Variants in ZFP3 observed in about 807,000 individuals in gnomAD.
The protein encoded by ZFP3 is zinc finger protein 3 homolog.
ZFP3 carries 18 observed loss-of-function variants against 36.7 expected under a neutral mutation model. The ratio of observed to expected loss-of-function variants is 0.49; its 90% CI spans 0.34 to 0.73. The LOEUF (loss-of-function observed/expected upper bound fraction) is 0.73, where lower values mean the gene tolerates loss of function less well. ZFP3 is among the 30% of genes least tolerant of loss of function. The pLI is 0.01. For synonymous variants in ZFP3, 218 were observed against 199.0 expected, an observed-to-expected ratio of 1.10 and a Z score of -0.81; for missense variants, 495 against 599.0, an observed-to-expected ratio of 0.83 and a Z score of 1.81.
intron 1 of ZFP3, among the ~76,000 whole-genome samples, chr17:5,088,780 G>T (rs180869690): frequency 1.3e-5 from 2 of 152,250 alleles, no homozygotes; most frequent in South Asian, 2.1e-4. Flanking sequence ...GCCACTAAAC[G>T]ACCACGAGTG....
chr17:5,087,376 C>G (rs898733654), intron 1 of ZFP3, among the ~76,000 whole-genome samples: 3 of 152,152 alleles, frequency 2.0e-5, no homozygotes, highest in African/African-American at 7.2e-5. Context: ...CCGTTCCTAG[C>G]CTTCACTCGA....
In ZFP3 at chr17:5,095,559, A is replaced by T. The variant is rs376640615; in HGVS notation, c.*2546A>T. The T allele has an allele frequency of 1.2e-5, 2 of 166,992 alleles. No homozygotes were observed. The highest frequency in any genetic ancestry group is 4.8e-5 in the African/African-American group (2 of 41,502). The allele number at this position is 166,992 out of a possible 1,614,324, so 10.3% of individuals were successfully genotyped here. ...CAAGCTTCTCCTAAACAATCTATGC[A>T]CACAAACACCCCTGAGCAATATGGA... is the stretch of plus-strand genomic sequence containing the variant. On this transcript the variant is annotated 3_prime_UTR_variant, in exon 2 of 2. Transcript: ENST00000318833.
intron 1 of ZFP3, among the ~76,000 whole-genome samples, chr17:5,084,153 A>G (rs1412276816): frequency 6.6e-6 from 1 of 151,502 alleles, no homozygotes. Flanking sequence ...GGCATGAGCT[A>G]CTGTGCCTGG....
chr17:5,085,663 C>T (rs1459315459), intron 1 of ZFP3, among the ~76,000 whole-genome samples: 2 of 152,184 alleles, frequency 1.3e-5, no homozygotes, highest in African/African-American at 2.4e-5. Flanking sequence ...CCACCACACC[C>T]GGCCCTGAAT....
intron 1 of ZFP3, among the ~76,000 whole-genome samples, chr17:5,085,966 C>G (rs996533432): frequency 2.4e-4 from 36 of 152,166 alleles, no homozygotes; most frequent in African/African-American, 3.4e-4. Flanking sequence ...TAAGACAGTA[C>G]TTCCCAACTC....
chr17:5,088,236 G>A (rs551466118), intron 1 of ZFP3, among the ~76,000 whole-genome samples: 26 of 152,134 alleles, frequency 1.7e-4, no homozygotes, highest in African/African-American at 5.3e-4. Flanking sequence ...TGGCACCACC[G>A]TCCATCTAAT....
chr17:5,082,143 C>A lies in ZFP3; in HGVS notation c.-9+3568C>A, dbSNP rs190903958. Among the ~76,000 whole-genome samples, 1,219 of 151,272 alleles carry A rather than the reference C, an allele frequency of 8.1e-3. 11 individuals are homozygous for A. The highest frequency in any genetic ancestry group is 0.024 in the Middle Eastern group (7 of 292). The stretch of plus-strand genomic sequence containing the variant: ...CGGGTGGATCATGAGGTCAGGAGAT[C>A]GAGACCATCCTGGCTAACAGGGTGG... On this transcript the variant is annotated intron_variant, in intron 1 of 1. Transcript: ENST00000318833.
At chr17:5,090,410 G>A (rs1189527850) in intron 1 of ZFP3, among the ~76,000 whole-genome samples, 1 of 152,198 alleles carries the variant, frequency 6.6e-6, no homozygotes, top group African/African-American at 2.4e-5. Context: ...GAATTATTCA[G>A]TAAATGGTAT....
intron 1 of ZFP3, among the ~76,000 whole-genome samples, chr17:5,085,322 C>G (rs892180064): frequency 8.6e-5 from 13 of 151,542 alleles, no homozygotes; most frequent in African/African-American, 2.7e-4. Flanking sequence ...GCTGGGATTA[C>G]AGGCATGAGC....
rs887126838 is a variant in ZFP3 at position 5,078,500 on chromosome 17, T to A, written c.-84T>A. On this transcript the variant is annotated 5_prime_UTR_variant, in exon 1 of 2. Coordinates refer to ENST00000318833, the MANE Select transcript of ZFP3 (RefSeq NM_153018.3). The surrounding 1 kb of genome is among the most constrained non-coding windows in gnomAD (Gnocchi z 4.5). ...TCGCCAGTGACACCGGGACAACAGC[T>A]GCGGGCTCTGTGCGAGCGGCCCAGC... 2.0e-5 allele frequency: 3 copies of A among 152,276 alleles called. No individual in the cohort carries two copies. Among genetic ancestry groups the A allele is most frequent in the Non-Finnish European group, 4.4e-5 (3 of 68,086 alleles). 9.4% of individuals were successfully genotyped at this position (152,276 alleles called of 1,614,324 possible). A position where few individuals can be genotyped will look rare whatever the true frequency, so the allele number is the denominator to read the frequency against.
chr17:5,092,934 A>T lies in ZFP3; in HGVS notation c.1430A>T (p.Tyr477Phe). Residue 477 changes from tyrosine to phenylalanine, a missense_variant, in exon 2 of 2, where the codon TAT (tyrosine) becomes TTT (phenylalanine). Around this residue, in one of 3 missense-constraint regions of ZFP3, gnomAD observed 163 missense variants for 178.4 expected, o/e 0.91. Transcript: ENST00000318833. The surrounding 1 kb of genome is among the most constrained non-coding windows in gnomAD (Gnocchi z 5.0). ...HQRIHTGEKP[Y>F]ECQECQKTFS... The stretch of plus-strand genomic sequence containing the variant: ...AGAATTCACACTGGAGAGAAGCCTT[A>T]TGAGTGCCAAGAATGTCAGAAGACT... The T allele has an allele frequency of 6.2e-7, 1 of 1,614,012 alleles. No homozygotes were observed. The highest frequency in any genetic ancestry group is 1.7e-5 in the Admixed American group (1 of 59,970).
chr17:5,091,825 T>C lies in ZFP3; in HGVS notation c.321T>C (p.Asp107=), dbSNP rs368596620. The change falls in exon 2 of 2, where the codon GAT becomes GAC. Residue 107 remains aspartate, a synonymous_variant. Coordinates refer to ENST00000318833, the MANE Select transcript of ZFP3 (RefSeq NM_153018.3). ...PSPNLVTHQG[D]TTEGVSAFAT... Reference sequence around the variant, plus strand: ...CAAATCTGGTTACACATCAGGGAGATACAACAGAGGGAGTTAGTGCATTTG... The same window carrying C: ...CAAATCTGGTTACACATCAGGGAGACACAACAGAGGGAGTTAGTGCATTTG... 7 of 1,614,070 alleles carry C rather than the reference T, an allele frequency of 4.3e-6. No individual in the cohort carries two copies. The highest frequency in any genetic ancestry group is 1.7e-5 in the Admixed American group (1 of 60,010).
At chr17:5,080,725 C>T (rs2072088675) in intron 1 of ZFP3, among the ~76,000 whole-genome samples, 1 of 152,124 alleles carries the variant, frequency 6.6e-6, no homozygotes, top group Admixed American at 6.6e-5. Flanking sequence ...CCCCACTCCT[C>T]CCAGCCCCCC....
In ZFP3 at chr17:5,094,367, C is replaced by A. The variant is rs967854528; in HGVS notation, c.*1354C>A. 1 of 167,084 alleles carries A rather than the reference C, an allele frequency of 6.0e-6. No homozygotes were observed. The highest frequency in any genetic ancestry group is 1.5e-5 in the Non-Finnish European group (1 of 68,126). 10.4% of individuals were successfully genotyped at this position (167,084 alleles called of 1,614,324 possible). A position where few individuals can be genotyped will look rare whatever the true frequency, so the allele number is the denominator to read the frequency against. On this transcript the variant is annotated 3_prime_UTR_variant, in exon 2 of 2. Coordinates refer to ENST00000318833, the MANE Select transcript of ZFP3 (RefSeq NM_153018.3). ...ATGCCCGGCCTTGAAATTCTTTCTTCGCTATGTCTGCATGTTTTTTGTGTT... is the reference window on the plus strand; with the variant it reads ...ATGCCCGGCCTTGAAATTCTTTCTTAGCTATGTCTGCATGTTTTTTGTGTT...
At position 5,082,027 on chromosome 17, in the gene ZFP3, C is replaced by A. The variant is rs574491096; in HGVS notation, c.-9+3452C>A. Among the ~76,000 whole-genome samples the A allele has an allele frequency of 4.5e-3, 664 of 148,930 alleles. 4 individuals carry two copies. The highest frequency in any genetic ancestry group is 0.015 in the African/African-American group (617 of 40,370). On this transcript the variant is annotated intron_variant, in intron 1 of 1. Transcript: ENST00000318833. Reference sequence around the variant, plus strand: ...AGGAGTTTGAGACCAGCCTGGCCAACATGGTGAAACCCCGCCTCTACTAAA... The same window carrying A: ...AGGAGTTTGAGACCAGCCTGGCCAAAATGGTGAAACCCCGCCTCTACTAAA...
At chr17:5,079,513 AAGGG>A (rs2072082561) in intron 1 of ZFP3, among the ~76,000 whole-genome samples, 1 of 152,112 alleles carries the variant, frequency 6.6e-6, no homozygotes, top group Non-Finnish European at 1.5e-5. Context: ...TCTCAGAAAA[AAGGG>A]AGGTATTGCA....
intron 1 of ZFP3, among the ~76,000 whole-genome samples, chr17:5,086,662 C>T (rs1597904986): frequency 1.3e-5 from 2 of 151,286 alleles, no homozygotes; most frequent in Middle Eastern, 3.4e-3. Context: ...TACTGTCATT[C>T]CCCTGAATCT....
chr17:5,092,707 T>A lies in ZFP3; in HGVS notation c.1203T>A (p.Ala401=), dbSNP rs1172260233. ...KPYECFECGK[A]FRRTSHLIVH... is the part of the protein sequence containing the mutation. ...ATGAATGCTTTGAGTGTGGAAAGGC[T>A]TTCAGGCGGACCTCTCACCTTATTG... The change falls in exon 2 of 2, where the codon GCT becomes GCA. Residue 401 remains alanine (A), a synonymous_variant. Transcript: ENST00000318833. This position sits in a 1 kb window ranked among gnomAD's most constrained non-coding sequence, Gnocchi z 5.0. 6.2e-7 allele frequency: 1 copy of A among 1,613,690 alleles called. No individual in the cohort carries two copies. Among genetic ancestry groups the A allele is most frequent in the Admixed American group, 1.7e-5 (1 of 59,982 alleles).
intron 1 of ZFP3, among the ~76,000 whole-genome samples, chr17:5,091,263 GT>G (rs2143532069): frequency 6.6e-6 from 1 of 151,718 alleles, no homozygotes; most frequent in South Asian, 2.1e-4. Flanking sequence ...TTGTTTTTTT[GT>G]TTTGAGAGGG....
Sources: gnomAD v4.1 joint callset for allele counts (sites outside exome capture counted in the v4.1 genomes callset) on GRCh38, gnomAD v4.1.1 for gene constraint, gnomAD v4.1.1 regional missense constraint, Gnocchi (gnomAD v3.1) non-coding constraint, MANE v1.5 for transcripts, NCBI Gene and HGNC (gene_info 2026-07-23, HGNC 2026-07-21) for gene names.